The following LHFPL3 variants were observed in gnomAD, a reference collection of about 807,000 sequenced individuals.
LHFPL3 encodes the protein LHFPL tetraspan subfamily member 3 protein.
LHFPL3 carries 5 observed loss-of-function variants against 19.3 expected under a neutral mutation model. That is an observed-to-expected ratio of 0.26 (90% CI 0.14 to 0.54). LHFPL3 has a LOEUF of 0.54. Ranked by LOEUF, LHFPL3 falls within the 20% of genes least tolerant of loss-of-function variation. The probability of loss-of-function intolerance (pLI) is 0.94; values close to 1 mark genes in which losing one functional copy is unlikely to be tolerated. For synonymous variants in LHFPL3, 133 were observed against 126.2 expected, an observed-to-expected ratio of 1.05 and a Z score of -0.36; for missense variants, 249 against 307.4, an observed-to-expected ratio of 0.81 and a Z score of 1.42.
chr7:104,716,552 T>C (rs1793390060), intron 1 of LHFPL3, among the ~76,000 whole-genome samples: 1 of 151,968 alleles, frequency 6.6e-6, no homozygotes, highest in Non-Finnish European at 1.5e-5. Context: ...GAAAAGGAAA[T>C]TAGGAAGACA....
At chr7:104,829,488 AC>A (rs1443566329) in intron 2 of LHFPL3, among the ~76,000 whole-genome samples, 5 of 149,596 alleles carry the variant, frequency 3.3e-5, no homozygotes, top group Non-Finnish European at 5.9e-5. Flanking sequence ...CCATCCCCCT[AC>A]CCCACAACAG....
intron 1 of LHFPL3, among the ~76,000 whole-genome samples, chr7:104,711,115 A>G (rs1446249214): frequency 6.6e-6 from 1 of 152,214 alleles, no homozygotes; most frequent in Non-Finnish European, 1.5e-5. Flanking sequence ...TCAAACTTTC[A>G]TATGTGTCAA....
intron 1 of LHFPL3, among the ~76,000 whole-genome samples, chr7:104,649,407 G>A (rs1391732174): frequency 6.6e-6 from 1 of 152,212 alleles, no homozygotes; most frequent in East Asian, 1.9e-4. Flanking sequence ...CACAATAACA[G>A]AGTGGGGGAG....
intron 1 of LHFPL3, among the ~76,000 whole-genome samples, chr7:104,472,356 C>T (rs538602877): frequency 1.4e-4 from 21 of 152,158 alleles, no homozygotes; most frequent in Non-Finnish European, 2.6e-4. Context: ...AAATGGATAA[C>T]ACGAAACACT....
At chr7:104,743,048 G>A (rs1326573577) in intron 2 of LHFPL3, among the ~76,000 whole-genome samples, 1 of 152,146 alleles carries the variant, frequency 6.6e-6, no homozygotes, top group Non-Finnish European at 1.5e-5. Flanking sequence ...TTGAACCTGG[G>A]AGGCAGAGGT....
intron 1 of LHFPL3, among the ~76,000 whole-genome samples, chr7:104,497,681 C>T (rs2115720249): frequency 6.6e-6 from 1 of 151,446 alleles, no homozygotes; most frequent in East Asian, 1.9e-4. Context: ...AATATTAACA[C>T]ACCCCCTCCA....
chr7:104,360,503 T>C (rs1415377989), intron 1 of LHFPL3, among the ~76,000 whole-genome samples: 1 of 151,830 alleles, frequency 6.6e-6, no homozygotes, highest in Non-Finnish European at 1.5e-5. Flanking sequence ...AAGTAGGAGG[T>C]TGGGAAAAAG....
chr7:104,432,797 T>C (rs982859779), intron 1 of LHFPL3, among the ~76,000 whole-genome samples: 13 of 152,142 alleles, frequency 8.5e-5, no homozygotes, highest in African/African-American at 3.1e-4. Flanking sequence ...CCTAATTAAT[T>C]TCTAAATTCT....
intron 1 of LHFPL3, among the ~76,000 whole-genome samples, chr7:104,397,237 A>G (rs534411787): frequency 1.6e-4 from 25 of 152,288 alleles, no homozygotes; most frequent in African/African-American, 5.3e-4. Context: ...TAAAAGTTAT[A>G]GGCTGTGATT....
intron 2 of LHFPL3, among the ~76,000 whole-genome samples, chr7:104,824,756 ATATATAATATAT>A (rs932379249): frequency 1.7e-4 from 12 of 72,546 alleles, no homozygotes; most frequent in Admixed American, 2.6e-4. Flanking sequence ...CTCATATATT[ATATATAATATAT>A]TATATATTAT....
At position 104,724,480 on chromosome 7, in the gene LHFPL3, C is replaced by G. The variant is rs566054849; in HGVS notation, c.446-12195C>G. On this transcript the variant is annotated intron_variant, in intron 1 of 2. Transcript: ENST00000424859. ...GCAATTGTGTGTTTTTTAAATCCTA[C>G]CATACAACTATTTAGATTTTCAAAA... Among the ~76,000 whole-genome samples the G allele has an allele frequency of 4.6e-5, 7 of 152,200 alleles. No individual in the cohort carries two copies. The South Asian group carries it at 1.5e-3, about 32-fold the overall frequency.
At chr7:104,630,990 A>C (rs909199107) in intron 1 of LHFPL3, among the ~76,000 whole-genome samples, 1 of 152,138 alleles carries the variant, frequency 6.6e-6, no homozygotes, top group Non-Finnish European at 1.5e-5. Flanking sequence ...TTGTGGTGCC[A>C]TACTGGTAGA....
intron 1 of LHFPL3, among the ~76,000 whole-genome samples, chr7:104,561,151 A>G (rs1481000347): frequency 1.3e-5 from 2 of 151,908 alleles, no homozygotes; most frequent in Non-Finnish European, 2.9e-5. Context: ...AAAAAAATGT[A>G]TGTTCTGTTG....
chr7:104,751,373 G>A (rs1429616834), intron 2 of LHFPL3, among the ~76,000 whole-genome samples: 1 of 151,558 alleles, frequency 6.6e-6, no homozygotes, highest in African/African-American at 2.4e-5. Context: ...TGAGGGGCAG[G>A]CACTTCCTGG....
At chr7:104,442,323 T>G (rs1451057275) in intron 1 of LHFPL3, among the ~76,000 whole-genome samples, 1 of 152,154 alleles carries the variant, frequency 6.6e-6, no homozygotes, top group Non-Finnish European at 1.5e-5. Context: ...AAAATAATTC[T>G]AATCTTACTG....
At chr7:104,521,396 G>C (rs1794059488) in intron 1 of LHFPL3, among the ~76,000 whole-genome samples, 2 of 152,092 alleles carry the variant, frequency 1.3e-5, no homozygotes, top group African/African-American at 4.8e-5. Flanking sequence ...AATAGGTGTG[G>C]TGTGGTGCTG....
chr7:104,522,253 T>G (rs1193705213), intron 1 of LHFPL3, among the ~76,000 whole-genome samples: 1 of 151,848 alleles, frequency 6.6e-6, no homozygotes, highest in Non-Finnish European at 1.5e-5. Context: ...TGGATGAAAT[T>G]GGAAATCATC....
chr7:104,339,900 C>T (rs1789912730), intron 1 of LHFPL3, among the ~76,000 whole-genome samples: 1 of 152,150 alleles, frequency 6.6e-6, no homozygotes, highest in Admixed American at 6.5e-5. Flanking sequence ...TCTATGTCAT[C>T]CATTCTTGCC....
chr7:104,399,586 C>A lies in LHFPL3; in HGVS notation c.445+70362C>A, dbSNP rs2116490367. Among the ~76,000 whole-genome samples the A allele has an allele frequency of 6.6e-6, 1 of 151,400 alleles. No individual in the cohort carries two copies. Among genetic ancestry groups the A allele is most frequent in the East Asian group, 2.0e-4 (1 of 5,100 alleles). ...AAGGAATTCTCCTGCCTCAGCCTCC[C>A]AAGTAGCTGAGATTACAAGCACCTG... is the stretch of plus-strand genomic sequence containing the variant. On this transcript the variant is annotated intron_variant, in intron 1 of 2. Transcript: ENST00000424859. This position sits in a 1 kb window ranked among gnomAD's most constrained non-coding sequence, Gnocchi z 4.4.
Sources: allele counts gnomAD v4.1 joint callset (sites outside exome capture counted in the v4.1 genomes callset), GRCh38; gene constraint gnomAD v4.1.1; non-coding constraint Gnocchi (gnomAD v3.1); transcripts MANE v1.5; gene names NCBI Gene and HGNC (gene_info 2026-07-23, HGNC 2026-07-21).